Variants in PARD3 observed in about 807,000 individuals in gnomAD.
PARD3 encodes the protein par-3 family cell polarity regulator, also known as partitioning defective 3 homolog.
Under a neutral mutation model 155.4 loss-of-function variants are expected in PARD3, and 75 were observed. The observed-to-expected ratio is 0.48, with a 90% confidence interval of 0.40 to 0.58. PARD3 has a LOEUF of 0.58. Ranked by LOEUF, PARD3 falls within the 20% of genes least tolerant of loss-of-function variation. The probability of loss-of-function intolerance (pLI) is 0.00; values close to 1 mark genes in which losing one functional copy is unlikely to be tolerated. For synonymous variants in PARD3, 576 were observed against 610.5 expected (o/e 0.94, Z 0.83); for missense variants, 1,642 against 1,721.7 (o/e 0.95, Z 0.82).
chr10:34,620,654 A>G (rs1290470699), intron 2 of PARD3, among the ~76,000 whole-genome samples: 3 of 152,212 alleles, frequency 2.0e-5, no homozygotes, highest in Non-Finnish European at 4.4e-5. Context: ...ATCAGCTTAA[A>G]CCTCTCACAG....
At chr10:34,736,826 G>A (rs139079356) in intron 1 of PARD3, among the ~76,000 whole-genome samples, 1,662 of 152,048 alleles carry the variant, frequency 0.011, 38 homozygotes, top group African/African-American at 0.038. Flanking sequence ...ACAGGCATGC[G>A]CCACCATGCC....
chr10:34,767,502 A>T (rs532963868), intron 1 of PARD3, among the ~76,000 whole-genome samples: 1 of 151,996 alleles, frequency 6.6e-6, no homozygotes, highest in Non-Finnish European at 1.5e-5. Context: ...TTTTAATTCA[A>T]CCTCATTAAT....
intron 2 of PARD3, among the ~76,000 whole-genome samples, chr10:34,526,073 T>C (rs1589881231): frequency 1.1e-5 from 1 of 87,932 alleles, no homozygotes; most frequent in African/African-American, 5.3e-5. Flanking sequence ...AGAGAGAGAC[T>C]CCGTATCAAA....
intron 1 of PARD3, among the ~76,000 whole-genome samples, chr10:34,700,576 GA>G (rs993364890): frequency 6.6e-6 from 1 of 151,700 alleles, no homozygotes; most frequent in Non-Finnish European, 1.5e-5. Context: ...AAAGATCACT[GA>G]AAAAAATCTA....
intron 22 of PARD3, among the ~76,000 whole-genome samples, chr10:34,230,834 C>T (rs1952884753): frequency 6.6e-6 from 1 of 152,132 alleles, no homozygotes; most frequent in South Asian, 2.1e-4. Context: ...TTGAGAGCAG[C>T]CTGGGCAACA....
chr10:34,463,614 G>GA (rs2077818493), intron 4 of PARD3, among the ~76,000 whole-genome samples: 1 of 152,100 alleles, frequency 6.6e-6, no homozygotes, highest in Admixed American at 6.5e-5. Flanking sequence ...ATCTAAGTAT[G>GA]AGAGGAAGTG....
chr10:34,340,705 T>G (rs1004804723), intron 16 of PARD3, among the ~76,000 whole-genome samples: 3 of 152,126 alleles, frequency 2.0e-5, no homozygotes, highest in African/African-American at 7.2e-5. Context: ...TTCACTTTGT[T>G]AAGATCATCA....
chr10:34,671,093 G>A (rs898942358), intron 2 of PARD3, among the ~76,000 whole-genome samples: 2 of 152,140 alleles, frequency 1.3e-5, no homozygotes, highest in East Asian at 1.9e-4. Context: ...ACTGAGACTC[G>A]CAGTAAGAAT....
At chr10:34,567,142 G>A (rs2086013960) in intron 2 of PARD3, among the ~76,000 whole-genome samples, 1 of 152,174 alleles carries the variant, frequency 6.6e-6, no homozygotes, top group Non-Finnish European at 1.5e-5. Flanking sequence ...CAAGGTTAAT[G>A]AGATCTTGTT....
At chr10:34,752,477 A>C (rs1317306330) in intron 1 of PARD3, among the ~76,000 whole-genome samples, 1 of 151,944 alleles carries the variant, frequency 6.6e-6, no homozygotes, top group African/African-American at 2.4e-5. Flanking sequence ...ATTATTTATA[A>C]GCTTTTAAGA....
intron 2 of PARD3, among the ~76,000 whole-genome samples, chr10:34,578,293 C>T (rs186792476): frequency 1.6e-4 from 25 of 152,188 alleles, no homozygotes; most frequent in Admixed American, 9.8e-4. Flanking sequence ...CCATTTATGC[C>T]TAGTGTTCCA....
chr10:34,392,914 G>T (rs1386955892), intron 7 of PARD3, among the ~76,000 whole-genome samples: 1 of 151,936 alleles, frequency 6.6e-6, no homozygotes, highest in Non-Finnish European at 1.5e-5. Context: ...TATTTGTTTG[G>T]TTCCCTAGGG....
intron 1 of PARD3, among the ~76,000 whole-genome samples, chr10:34,719,565 G>A (rs2094572509): frequency 1.3e-5 from 2 of 152,154 alleles, no homozygotes. Context: ...ACTGGGGCCA[G>A]AAACATGTTT....
Position 34,662,856 on chromosome 10 carries a change from T to C in PARD3, c.222+33462A>G, listed in dbSNP as rs536017486. Reference sequence around the variant, plus strand: ...CACTGCACTCCAGCCTGGGTGACAGTGAGAAACTGTCTCAGAAAAAAAAAA... The same window carrying C: ...CACTGCACTCCAGCCTGGGTGACAGCGAGAAACTGTCTCAGAAAAAAAAAA... On this transcript the variant is annotated intron_variant, in intron 2 of 24. Transcript: ENST00000374788. Among the ~76,000 whole-genome samples the C allele has an allele frequency of 5.1e-5, 7 of 138,284 alleles. No homozygotes were observed. The East Asian group carries it at 1.5e-3, about 30-fold the overall frequency. The allele number at this position is 138,284 out of a possible 152,430, so 90.7% of individuals were successfully genotyped here.
At chr10:34,594,555 C>T (rs73267363) in intron 2 of PARD3, among the ~76,000 whole-genome samples, 3,638 of 151,596 alleles carry the variant, frequency 0.024, 147 homozygotes, top group African/African-American at 0.085. Flanking sequence ...GGAATTACGA[C>T]GACAGGATTA....
intron 2 of PARD3, among the ~76,000 whole-genome samples, chr10:34,581,131 G>A (rs1564376143): frequency 6.6e-6 from 1 of 151,338 alleles, no homozygotes; most frequent in Non-Finnish European, 1.5e-5. Context: ...CATAATTATT[G>A]CACTGTTTAA....
At chr10:34,666,776 C>CCAAAAAAAAA (rs2093480937) in intron 2 of PARD3, among the ~76,000 whole-genome samples, 2 of 998 alleles carry the variant, frequency 2.0e-3, no homozygotes, top group Non-Finnish European at 4.1e-3. Context: ...ACCCCTCCCC[C>CCAAAAAAAAA]TAAAAAAAAA....
intron 2 of PARD3, among the ~76,000 whole-genome samples, chr10:34,540,970 C>A (rs892288176): frequency 6.6e-6 from 1 of 151,952 alleles, no homozygotes; most frequent in Non-Finnish European, 1.5e-5. Flanking sequence ...TATATAGTCA[C>A]CATAGCAACT....
At chr10:34,800,328 G>T (rs1469020253) in intron 1 of PARD3, among the ~76,000 whole-genome samples, 1 of 152,054 alleles carries the variant, frequency 6.6e-6, no homozygotes, top group Non-Finnish European at 1.5e-5. Flanking sequence ...GTTAATACTG[G>T]CCAGGCACGG....
Sources: gnomAD v4.1 joint callset for allele counts (sites outside exome capture counted in the v4.1 genomes callset) on GRCh38, gnomAD v4.1.1 for gene constraint, MANE v1.5 for transcripts, NCBI Gene and HGNC (gene_info 2026-07-23, HGNC 2026-07-21) for gene names.